The following BLTP1 variants were observed in gnomAD, a reference collection of about 807,000 sequenced individuals.
The protein encoded by BLTP1 is fragile site-associated protein.
the BLTP1 span, chr4:122,362,357 T>C: frequency 2.3e-6 from 2 of 866,880 alleles, no homozygotes; most frequent in Non-Finnish European, 1.7e-6. Context: ...TCTAAATTTG[T>C]GGCTATAATT....
At chr4:122,353,005 C>T in the BLTP1 span, 1 of 1,613,980 alleles carries the variant, frequency 6.2e-7, no homozygotes, top group Non-Finnish European at 8.5e-7. This position sits in a 1 kb window ranked among gnomAD's most constrained non-coding sequence, Gnocchi z 4.3. Flanking sequence ...AGATGGAATG[C>T]AATTTGGAGG....
At chr4:122,347,694 G>A in the BLTP1 span, 2 of 1,613,692 alleles carry the variant, frequency 1.2e-6, no homozygotes, top group African/African-American at 1.3e-5. Flanking sequence ...ACAGCACCAT[G>A]TCACCAGGGA....
the BLTP1 span, among the ~76,000 whole-genome samples, chr4:122,321,546 T>TAC: frequency 6.6e-6 from 1 of 152,100 alleles, no homozygotes; most frequent in Non-Finnish European, 1.5e-5. Context: ...TGTGTATATA[T>TAC]ACACACACTC....
At chr4:122,306,344 CTG>C in the BLTP1 span, among the ~76,000 whole-genome samples, 1 of 152,038 alleles carries the variant, frequency 6.6e-6, no homozygotes, top group African/African-American at 2.4e-5. Flanking sequence ...TGTTTTGGCA[CTG>C]TGTTTATTTT....
chr4:122,261,432 G>A, the BLTP1 span: 3 of 985,194 alleles, frequency 3.0e-6, no homozygotes, highest in Non-Finnish European at 3.6e-6. Context: ...TGCTTTTCAA[G>A]ATCTTTTTTG....
chr4:122,276,385 G>T, the BLTP1 span: 1 of 880,642 alleles, frequency 1.1e-6, no homozygotes, highest in Non-Finnish European at 1.4e-6. Context: ...TTCACTAATT[G>T]TAGAAATAAT....
the BLTP1 span, among the ~76,000 whole-genome samples, chr4:122,293,982 C>T: frequency 6.6e-6 from 1 of 152,066 alleles, no homozygotes; most frequent in Non-Finnish European, 1.5e-5. Flanking sequence ...AGTGGGACTC[C>T]ACTATGCCAG....
chr4:122,253,133 C>A, the BLTP1 span, among the ~76,000 whole-genome samples: 1 of 152,252 alleles, frequency 6.6e-6, no homozygotes, highest in South Asian at 2.1e-4. Context: ...TGACCAGAAA[C>A]TTATAACACC....
At chr4:122,224,461 C>A in the BLTP1 span, 1 of 1,580,266 alleles carries the variant, frequency 6.3e-7, no homozygotes, top group Non-Finnish European at 8.6e-7. Flanking sequence ...ATGTGATTTT[C>A]TTATACATTT....
At chr4:122,174,150 AT>A in the BLTP1 span, 2 of 972,584 alleles carry the variant, frequency 2.1e-6, no homozygotes, top group Non-Finnish European at 1.2e-6. Flanking sequence ...CTGCCTTATA[AT>A]TGAGTACCTT....
At chr4:122,322,001 T>C in the BLTP1 span, among the ~76,000 whole-genome samples, 1 of 94,188 alleles carries the variant, frequency 1.1e-5, no homozygotes, top group African/African-American at 3.4e-5. Context: ...TTTTTTTTTT[T>C]TTTTTTTTTT....
chr4:122,306,232 A>T, the BLTP1 span, among the ~76,000 whole-genome samples: 1 of 152,116 alleles, frequency 6.6e-6, no homozygotes, highest in Non-Finnish European at 1.5e-5. Flanking sequence ...TTACATTTTA[A>T]AGTTATTTTG....
chr4:122,189,871 G>T, the BLTP1 span: 1 of 1,351,998 alleles, frequency 7.4e-7, no homozygotes, highest in Non-Finnish European at 9.6e-7. Flanking sequence ...TTTTCAGGAT[G>T]CTACTTGTTA....
chr4:122,220,306 C>A, the BLTP1 span: 2 of 1,606,880 alleles, frequency 1.2e-6, no homozygotes, highest in Non-Finnish European at 1.7e-6. Context: ...TTCTGCATTT[C>A]AACTGTGCTA....
chr4:122,209,323 C>G, the BLTP1 span: 5 of 1,611,782 alleles, frequency 3.1e-6, no homozygotes, highest in Non-Finnish European at 4.2e-6. Flanking sequence ...AATGGCGCAA[C>G]GTTACTCAGG....
At chr4:122,316,708 A>C in the BLTP1 span, 1 of 1,595,642 alleles carries the variant, frequency 6.3e-7, no homozygotes, top group Non-Finnish European at 8.5e-7. Context: ...GGTGGTATTG[A>C]CAGATACACT....
the BLTP1 span, chr4:122,219,118 G>T: frequency 4.1e-6 from 4 of 983,224 alleles, no homozygotes; most frequent in Non-Finnish European, 4.8e-6. Context: ...TATAAAATAG[G>T]CTCTGTAACT....
At chr4:122,195,431 AT>A in the BLTP1 span, among the ~76,000 whole-genome samples, 1,027 of 148,106 alleles carry the variant, frequency 6.9e-3, 15 homozygotes, top group African/African-American at 0.023. Flanking sequence ...ATTGTCTGGC[AT>A]TTTTTTTTTT....
the BLTP1 span, among the ~76,000 whole-genome samples, chr4:122,329,538 T>G: frequency 1.3e-5 from 2 of 151,704 alleles, no homozygotes; most frequent in African/African-American, 4.8e-5. Context: ...GGATAAATTC[T>G]TCCCTTTTTT....
Sources: allele counts gnomAD v4.1 joint callset (sites outside exome capture counted in the v4.1 genomes callset), GRCh38; gene constraint gnomAD v4.1.1; non-coding constraint Gnocchi (gnomAD v3.1); transcripts MANE v1.5; gene names NCBI Gene and HGNC (gene_info 2026-07-23, HGNC 2026-07-21).